Variants in MMS22L observed in about 807,000 individuals in gnomAD.
The protein encoded by MMS22L is MMS22 like, DNA repair protein.
A neutral mutation model predicts 159.1 loss-of-function variants in MMS22L; 74 were observed. The observed-to-expected ratio is 0.47, with a 90% CI of 0.39 to 0.56. MMS22L has a LOEUF of 0.56. Ranked by LOEUF, MMS22L falls within the 20% of genes least tolerant of loss-of-function variation. MMS22L has a pLI of 0.00. For synonymous variants in MMS22L, 517 were observed against 506.9 expected (o/e 1.02, Z -0.27); for missense variants, 1,351 against 1,422.1 (o/e 0.95, Z 0.80).
intron 14 of MMS22L, among the ~76,000 whole-genome samples, chr6:97,208,167 C>T (rs968076775): frequency 6.6e-6 from 1 of 152,098 alleles, no homozygotes; most frequent in Non-Finnish European, 1.5e-5. Flanking sequence ...ATCACTCAAT[C>T]CCAGTCATGA....
intron 10 of MMS22L, 139 bp downstream of exon 10, chr6:97,254,418 A>G (rs1813559849): frequency 6.2e-6 from 4 of 642,454 alleles, no homozygotes; most frequent in Non-Finnish European, 1.0e-5. Context: ...AGATGTTTAC[A>G]GAAACATTAT....
chr6:97,255,760 C>G (rs902103717), intron 9 of MMS22L, among the ~76,000 whole-genome samples: 34 of 111,812 alleles, frequency 3.0e-4, no homozygotes, highest in African/African-American at 9.9e-4. Flanking sequence ...TATTTCTATG[C>G]ATGTGTATTT....
chr6:97,162,238 A>G, intron 21 of MMS22L, 73 bp from the exon 22 acceptor site: 1 of 1,387,996 alleles, frequency 7.2e-7, no homozygotes, highest in Non-Finnish European at 9.8e-7. Flanking sequence ...CATATAATTT[A>G]AAGATATTGG....
At chr6:97,187,865 T>C (rs961510729) in intron 14 of MMS22L, among the ~76,000 whole-genome samples, 20 of 152,154 alleles carry the variant, frequency 1.3e-4, no homozygotes, top group African/African-American at 4.1e-4. Flanking sequence ...AAATTCTAAG[T>C]ATAAACTGTA....
At chr6:97,254,446 CTG>C (rs1813567099) in intron 10 of MMS22L, 109 bp downstream of exon 10, 7 of 755,908 alleles carry the variant, frequency 9.3e-6, no homozygotes, top group Non-Finnish European at 1.5e-5. Flanking sequence ...TAATTTATCT[CTG>C]TGATTGTAGT....
intron 14 of MMS22L, among the ~76,000 whole-genome samples, chr6:97,224,981 C>CT (rs1810067077): frequency 6.6e-6 from 1 of 152,048 alleles, no homozygotes; most frequent in African/African-American, 2.4e-5. Flanking sequence ...GGTTAAGAGT[C>CT]TGAGTGCCAG....
intron 11 of MMS22L, among the ~76,000 whole-genome samples, chr6:97,239,595 A>G (rs6909774): frequency 0.65 from 99,106 of 152,114 alleles, 33,625 homozygotes; most frequent in Non-Finnish European, 0.75. Context: ...AAAAGAATTC[A>G]AAACATTATT....
intron 14 of MMS22L, among the ~76,000 whole-genome samples, chr6:97,218,335 T>C (rs1182247943): frequency 6.6e-6 from 1 of 152,156 alleles, no homozygotes; most frequent in East Asian, 1.9e-4. Context: ...ATATGGACAC[T>C]GGCAAGAATT....
chr6:97,195,424 T>C (rs1806386282), intron 14 of MMS22L, among the ~76,000 whole-genome samples: 3 of 152,212 alleles, frequency 2.0e-5, no homozygotes, highest in Admixed American at 6.5e-5. Flanking sequence ...ATAATTTACA[T>C]CTTAAAAGGA....
At chr6:97,251,393 C>T (rs143491222) in intron 10 of MMS22L, among the ~76,000 whole-genome samples, 2 of 152,262 alleles carry the variant, frequency 1.3e-5, no homozygotes, top group East Asian at 3.9e-4. Flanking sequence ...CTGTGAAATA[C>T]TAAATATGTT....
chr6:97,164,027 G>A (rs1234759709), intron 21 of MMS22L, among the ~76,000 whole-genome samples: 2 of 151,988 alleles, frequency 1.3e-5, no homozygotes, highest in African/African-American at 4.8e-5. Context: ...TAATGAAAGA[G>A]TATTTTAGGA....
chr6:97,269,213 T>C (rs1815477120), intron 7 of MMS22L, among the ~76,000 whole-genome samples: 2 of 152,118 alleles, frequency 1.3e-5, no homozygotes, highest in African/African-American at 4.8e-5. Context: ...AAAAAAGCCA[T>C]TTCATTTTTC....
At chr6:97,227,662 C>T (rs1810404015) in intron 14 of MMS22L, among the ~76,000 whole-genome samples, 3 of 152,046 alleles carry the variant, frequency 2.0e-5, no homozygotes, top group Admixed American at 2.0e-4. Context: ...GGAAATCTTG[C>T]CAAGCTTAGC....
At chr6:97,167,947 T>C in intron 20 of MMS22L, 124 bp downstream of exon 20, 1 of 836,402 alleles carries the variant, frequency 1.2e-6, no homozygotes, top group African/African-American at 1.8e-5. Flanking sequence ...GTTCAATAAA[T>C]GTGCCACACA....
At chr6:97,165,757 A>G (rs1802901270) in intron 20 of MMS22L, among the ~76,000 whole-genome samples, 1 of 152,122 alleles carries the variant, frequency 6.6e-6, no homozygotes, top group Non-Finnish European at 1.5e-5. Context: ...GAACACTTGA[A>G]CATCTTGCTC....
chr6:97,272,430 A>G lies in MMS22L; in HGVS notation c.606+274T>C, dbSNP rs112457593. 1.5e-4 allele frequency: 43 copies of G among 283,946 alleles called. 2 individuals carry two copies. The highest frequency in any genetic ancestry group is 1.1e-3 in the Middle Eastern group (1 of 920). 17.6% of individuals were successfully genotyped at this position (283,946 alleles called of 1,614,324 possible). A position where few individuals can be genotyped will look rare whatever the true frequency, so the allele number is the denominator to read the frequency against. ...AAATCAAGAGAATAGCTACTGATTC[A>G]ATGACTACTATGTTTTAATAACTTC... is the stretch of plus-strand genomic sequence containing the variant. On this transcript the variant is annotated intron_variant, in intron 6 of 24. Coordinates refer to ENST00000683635, the MANE Select transcript of MMS22L (RefSeq NM_001350599.2).
intron 14 of MMS22L, among the ~76,000 whole-genome samples, chr6:97,202,676 C>T (rs569145684): frequency 4.6e-5 from 7 of 152,132 alleles, no homozygotes; most frequent in African/African-American, 1.7e-4. Flanking sequence ...GAATTATAAC[C>T]CAGGTGTATC....
At chr6:97,278,755 A>T (rs915997316) in intron 4 of MMS22L, 94 bp downstream of exon 4, 2 of 991,496 alleles carry the variant, frequency 2.0e-6, no homozygotes, top group African/African-American at 3.3e-5. Context: ...CCTCTGTATT[A>T]TCATGATATG....
intron 9 of MMS22L, among the ~76,000 whole-genome samples, chr6:97,257,947 A>T (rs1814005908): frequency 6.6e-6 from 1 of 152,176 alleles, no homozygotes; most frequent in Non-Finnish European, 1.5e-5. Flanking sequence ...TTAAGCATCC[A>T]TTGAGGATTC....
Sources: gnomAD v4.1 joint callset for allele counts (sites outside exome capture counted in the v4.1 genomes callset) on GRCh38, gnomAD v4.1.1 for gene constraint, MANE v1.5 for transcripts, NCBI Gene and HGNC (gene_info 2026-07-23, HGNC 2026-07-21) for gene names.